Variants in BLK observed in about 807,000 individuals in gnomAD.
The protein encoded by BLK is BLK proto-oncogene, Src family tyrosine kinase.
Under a neutral mutation model 61.8 loss-of-function variants are expected in BLK, and 64 were observed. The ratio of observed to expected loss-of-function variants is 1.03; its 90% confidence interval spans 0.85 to 1.27. BLK has a LOEUF of 1.27. BLK is among the 50% of genes most tolerant of loss of function. BLK has a pLI of 0.00. For missense variants in BLK, 853 were observed against 660.5 expected, an observed-to-expected ratio of 1.29 and a Z score of -3.19; for synonymous variants, 351 against 272.0, an observed-to-expected ratio of 1.29 and a Z score of -2.86.
At chr8:11,535,322 AAG>A (rs376275475) in intron 1 of BLK, among the ~76,000 whole-genome samples, 1,437 of 115,102 alleles carry the variant, frequency 0.012, 20 homozygotes, top group East Asian at 0.028. Flanking sequence ...GAAAGAAAGA[AAG>A]AGAAGGAAAA....
intron 1 of BLK, among the ~76,000 whole-genome samples, chr8:11,541,746 C>T (rs945273967): frequency 1.1e-4 from 16 of 152,168 alleles, no homozygotes; most frequent in Non-Finnish European, 1.9e-4. Context: ...GATCTGCCCG[C>T]CTCGGCCTTC....
intron 9 of BLK, 198 bp from the exon 10 acceptor site, chr8:11,557,764 G>A (rs1471657916): frequency 1.2e-5 from 7 of 576,000 alleles, no homozygotes; most frequent in Non-Finnish European, 1.9e-5. Context: ...GCTGCCTCCC[G>A]GGGTGCTGAG....
chr8:11,521,841 C>A (rs955866513), intron 1 of BLK, among the ~76,000 whole-genome samples: 1 of 152,284 alleles, frequency 6.6e-6, no homozygotes, highest in Admixed American at 6.5e-5. Context: ...TAAGTGTGGA[C>A]ATCTAGGAGG....
chr8:11,540,133 G>T (rs1423052176), intron 1 of BLK, among the ~76,000 whole-genome samples: 1 of 152,006 alleles, frequency 6.6e-6, no homozygotes, highest in Non-Finnish European at 1.5e-5. Context: ...TATATACACA[G>T]TTTCTTACAT....
At chr8:11,540,211 A>G (rs796509819) in intron 1 of BLK, among the ~76,000 whole-genome samples, 3 of 151,912 alleles carry the variant, frequency 2.0e-5, no homozygotes, top group African/African-American at 7.2e-5. Flanking sequence ...TTTTAATATC[A>G]TGTGAGGTAG....
Position 11,550,261 on chromosome 8 carries a change from AG to A in BLK, c.472+1del. 6.2e-7 allele frequency: 1 copy of A among 1,613,752 alleles called. No homozygotes were observed. Among genetic ancestry groups the A allele is most frequent in the Non-Finnish European group, 8.5e-7 (1 of 1,179,912 alleles). ...TTATCAGAGAGAGTGAAACCAACAA[AG>A]GTAGGCTTGGTGGCTTTGCCTGCCT... ...FLIRESETNK[G>X]AFSLSVKDVT... On this transcript the variant is annotated frameshift_variant and splice_region_variant, in exon 6 of 13. Transcript: ENST00000259089. LOFTEE classifies it high-confidence loss of function.
At chr8:11,532,043 G>C (rs569567189) in intron 1 of BLK, among the ~76,000 whole-genome samples, 7 of 152,192 alleles carry the variant, frequency 4.6e-5, no homozygotes, top group Admixed American at 3.3e-4. Context: ...ATTTTTAGTA[G>C]AGATGGGGTT....
In BLK at chr8:11,549,871, C is replaced by T. The variant is rs188348115; in HGVS notation, c.369-288C>T. On this transcript the variant is annotated intron_variant, in intron 5 of 12. Coordinates refer to ENST00000259089, the MANE Select transcript of BLK (RefSeq NM_001715.3). ...GCAGCTGTGCTTTGGAGAGAGTGAT[C>T]AGGGGCATTTTTCCAAAGCAAAATT... 2.3e-5 allele frequency: 10 copies of T among 440,008 alleles called. No individual in the cohort carries two copies. In the East Asian group the frequency reaches 4.8e-4, roughly 21 times the overall value. 27.3% of individuals were successfully genotyped at this position (440,008 alleles called of 1,614,324 possible). A position where few individuals can be genotyped will look rare whatever the true frequency, so the allele number is the denominator to read the frequency against.
At chr8:11,508,090 G>A (rs543002478) in intron 1 of BLK, among the ~76,000 whole-genome samples, 2 of 152,318 alleles carry the variant, frequency 1.3e-5, no homozygotes, top group African/African-American at 4.8e-5. Flanking sequence ...TCAGGAACCT[G>A]CCCACTGGCC....
chr8:11,511,229 T>C (rs1798992680), intron 1 of BLK, among the ~76,000 whole-genome samples: 1 of 152,120 alleles, frequency 6.6e-6, no homozygotes, highest in African/African-American at 2.4e-5. Context: ...CGGTCTTTTG[T>C]CTTCACACAG....
At chr8:11,520,568 C>T (rs1216622216) in intron 1 of BLK, among the ~76,000 whole-genome samples, 1 of 149,486 alleles carries the variant, frequency 6.7e-6, no homozygotes, top group African/African-American at 2.5e-5. Flanking sequence ...TAATCAAAGG[C>T]ATCCCTGTAA....
At chr8:11,525,724 G>C (rs75432782) in intron 1 of BLK, among the ~76,000 whole-genome samples, 3,968 of 152,228 alleles carry the variant, frequency 0.026, 165 homozygotes, top group African/African-American at 0.091. Flanking sequence ...CAGAAGCAAG[G>C]AATGGAGCAG....
chr8:11,544,948 T>C (rs1283694088), intron 2 of BLK, among the ~76,000 whole-genome samples: 1 of 152,194 alleles, frequency 6.6e-6, no homozygotes, highest in Non-Finnish European at 1.5e-5. Context: ...CTCCCTCCCC[T>C]GTTTGTACCC....
chr8:11,505,595 G>A (rs28417806), intron 1 of BLK, among the ~76,000 whole-genome samples: 265 of 152,248 alleles, frequency 1.7e-3, no homozygotes, highest in African/African-American at 6.0e-3. Context: ...GGGCAGTTCC[G>A]CATCCTTGGA....
intron 1 of BLK, among the ~76,000 whole-genome samples, chr8:11,539,168 T>C (rs1800265240): frequency 6.6e-6 from 1 of 152,032 alleles, no homozygotes; most frequent in Non-Finnish European, 1.5e-5. Flanking sequence ...TTGGTGTTCA[T>C]CCTCCCCAGC....
intron 1 of BLK, among the ~76,000 whole-genome samples, chr8:11,505,757 T>A (rs2280804): frequency 1.3e-5 from 2 of 152,044 alleles, no homozygotes; most frequent in African/African-American, 4.8e-5. Flanking sequence ...AAGTCTCCCA[T>A]TGAGGCCTCC....
chr8:11,545,409 C>T (rs1388340802), intron 2 of BLK, among the ~76,000 whole-genome samples: 3 of 152,186 alleles, frequency 2.0e-5, no homozygotes, highest in South Asian at 2.1e-4. Flanking sequence ...ATTAGCTGGG[C>T]GTGATGGCGG....
rs763474991 is a variant in BLK, at chr8:11,561,441, C to T, written c.1169C>T (p.Thr390Met). Reference protein sequence around the residue: ...GLARIIDSEYTAQEGAKFPIK... With the variant: ...GLARIIDSEYMAQEGAKFPIK... The stretch of plus-strand genomic sequence containing the variant: ...GCTCGAATCATCGACAGTGAATACA[C>T]GGCCCAAGAGGGTAAGCACAGCCCC... The change falls in exon 11 of 13, where the codon ACG (threonine) becomes ATG (methionine). Residue 390 changes from threonine (T) to methionine (M), a missense_variant. Thr to Met is a moderately conservative substitution (Grantham distance 81). Coordinates refer to ENST00000259089, the MANE Select transcript of BLK (RefSeq NM_001715.3). 6.8e-6 allele frequency: 11 copies of T among 1,613,602 alleles called. No homozygotes were observed. The highest frequency in any genetic ancestry group is 5.3e-5 in the African/African-American group (4 of 74,926).
intron 1 of BLK, among the ~76,000 whole-genome samples, chr8:11,507,175 T>G (rs1022756879): frequency 6.6e-5 from 10 of 152,160 alleles, no homozygotes; most frequent in African/African-American, 1.9e-4. Flanking sequence ...AGGAGCCAAG[T>G]AACAACACCC....
Sources: gnomAD v4.1 joint callset for allele counts (sites outside exome capture counted in the v4.1 genomes callset) on GRCh38, gnomAD v4.1.1 for gene constraint, MANE v1.5 for transcripts, NCBI Gene and HGNC (gene_info 2026-07-23, HGNC 2026-07-21) for gene names.